SEMA6A: variants seen among roughly 807,000 people sequenced by gnomAD.
SEMA6A encodes semaphorin 6A.
Under a neutral mutation model 96.8 loss-of-function variants are expected in SEMA6A, and 25 were observed. That is an observed-to-expected ratio of 0.26 (90% CI 0.19 to 0.36). The LOEUF (loss-of-function observed/expected upper bound fraction) is 0.36. Among genes scored for constraint, SEMA6A ranks in the 10% least tolerant of loss-of-function variants. SEMA6A has a pLI of 1.00. For missense variants in SEMA6A, 1,363 were observed against 1,323.1 expected, an observed-to-expected ratio of 1.03 and a Z score of -0.47; for synonymous variants, 612 against 518.0, an observed-to-expected ratio of 1.18 and a Z score of -2.46.
intron 18 of SEMA6A, among the ~76,000 whole-genome samples, chr5:116,462,257 A>C (rs899461779): frequency 6.6e-6 from 1 of 152,204 alleles, no homozygotes; most frequent in African/African-American, 2.4e-5. Context: ...TCTGTTAATA[A>C]AGACAGCTGA....
chr5:116,541,784 G>A (rs1184707671), intron 1 of SEMA6A, among the ~76,000 whole-genome samples: 2 of 152,164 alleles, frequency 1.3e-5, no homozygotes, highest in Non-Finnish European at 2.9e-5. Context: ...AGTGAGCTGA[G>A]ATCACGCCAC....
chr5:116,560,006 C>T (rs1237206134), intron 1 of SEMA6A, among the ~76,000 whole-genome samples: 4 of 152,214 alleles, frequency 2.6e-5, no homozygotes, highest in Admixed American at 6.5e-5. Context: ...TTCAGGGCTT[C>T]ACCACATCAC....
At position 116,495,526 on chromosome 5, in the gene SEMA6A, T is replaced by A. The variant is rs1757549594; in HGVS notation, c.343-12A>T. ...TTGTGGCACTCATCCTGAAAAATAA[T>A]TCAAACTGTTTTGTATCATGTCCAT... is the stretch of plus-strand genomic sequence containing the variant. On this transcript the variant is annotated splice_polypyrimidine_tract_variant and intron_variant, in intron 5 of 18. Transcript: ENST00000343348. The A allele has an allele frequency of 6.5e-7, 1 of 1,545,740 alleles. No homozygotes were observed. Among genetic ancestry groups the A allele is most frequent in the South Asian group, 1.2e-5 (1 of 85,236 alleles).
chr5:116,535,756 G>C (rs2112850191), intron 1 of SEMA6A, among the ~76,000 whole-genome samples: 1 of 152,292 alleles, frequency 6.6e-6, no homozygotes, highest in East Asian at 1.9e-4. Context: ...CTGCTCCAGA[G>C]ACTGCTCCTA....
At position 116,478,606 on chromosome 5, in the gene SEMA6A, C is replaced by T; in HGVS notation, c.1363G>A (p.Gly455Arg). The change falls in exon 13 of 19, where the codon GGA (glycine) becomes AGA (arginine). Residue 455 changes from glycine (G) to arginine (R), a missense_variant. By Grantham distance (125) the Gly-to-Arg change is moderately radical. Around this residue, in one of 2 missense-constraint regions of SEMA6A, gnomAD observed 883 missense variants for 763.6 expected, o/e 1.16. Transcript: ENST00000343348. ...GIILKFLARI[G>R]NSGFLNDSLF... ...CTGTCATTTAGAAAACCACTATTTC[C>T]TATTCTGGCCAAAAACTTCAAGATG... 6.2e-7 allele frequency: 1 copy of T among 1,613,400 alleles called. No homozygotes were observed. Among genetic ancestry groups the T allele is most frequent in the Non-Finnish European group, 8.5e-7 (1 of 1,179,702 alleles).
intron 1 of SEMA6A, chr5:116,562,714 C>T (rs1221239816): frequency 1.4e-5 from 10 of 732,658 alleles, no homozygotes; most frequent in Non-Finnish European, 2.3e-5. Context: ...GCAAAGAAAC[C>T]CTCTGCCGTG....
intron 1 of SEMA6A, among the ~76,000 whole-genome samples, chr5:116,521,747 A>C (rs1375991494): frequency 1.3e-5 from 2 of 152,318 alleles, no homozygotes; most frequent in Non-Finnish European, 2.9e-5. Context: ...CAAATGAGAG[A>C]ATGTGTGAAA....
chr5:116,522,446 G>A (rs922515261), intron 1 of SEMA6A, among the ~76,000 whole-genome samples: 2 of 152,144 alleles, frequency 1.3e-5, no homozygotes, highest in Non-Finnish European at 2.9e-5. Context: ...ATGCGGGTGA[G>A]GGAATTTATA....
Position 116,521,977 on chromosome 5 carries a change from A to C in SEMA6A, c.-38-16995T>G, listed in dbSNP as rs1181741886. ...GAAGGTACTTATTAAATATTTGTTGATTTTGATCCAAATAGCTTTGGGTAT... is the reference window on the plus strand; with the variant it reads ...GAAGGTACTTATTAAATATTTGTTGCTTTTGATCCAAATAGCTTTGGGTAT... On this transcript the variant is annotated intron_variant, in intron 1 of 18. Transcript: ENST00000343348. Among the ~76,000 whole-genome samples the C allele has an allele frequency of 2.0e-5, 3 of 152,176 alleles. No homozygotes were observed. The East Asian group carries it at 5.8e-4, about 29-fold the overall frequency.
At chr5:116,509,042 C>T (rs1443776897) in intron 1 of SEMA6A, among the ~76,000 whole-genome samples, 2 of 152,146 alleles carry the variant, frequency 1.3e-5, no homozygotes, top group African/African-American at 2.4e-5. Flanking sequence ...CTGGGCTGCC[C>T]CACCAACTGT....
At chr5:116,538,019 C>CA (rs1171955636) in intron 1 of SEMA6A, among the ~76,000 whole-genome samples, 3 of 152,030 alleles carry the variant, frequency 2.0e-5, no homozygotes, top group African/African-American at 7.2e-5. Context: ...TACTAAAATA[C>CA]AAAAAATTAG....
intron 1 of SEMA6A, among the ~76,000 whole-genome samples, chr5:116,548,499 T>C (rs1760275997): frequency 6.6e-6 from 1 of 152,230 alleles, no homozygotes; most frequent in Non-Finnish European, 1.5e-5. Context: ...TGTGTTACTT[T>C]CAAGGCTTTT....
intron 1 of SEMA6A, 107 bp downstream of exon 1, chr5:116,574,078 C>A (rs1209632321): frequency 6.6e-6 from 1 of 152,324 alleles, no homozygotes; most frequent in African/African-American, 2.4e-5. Flanking sequence ...CAAAATAAAA[C>A]GCAGGCACCA....
chr5:116,507,230 A>C (rs1418438236), intron 1 of SEMA6A, among the ~76,000 whole-genome samples: 1 of 152,212 alleles, frequency 6.6e-6, no homozygotes, highest in Non-Finnish European at 1.5e-5. Flanking sequence ...ATACGGGTGA[A>C]AGTGCTCTGG....
chr5:116,559,135 C>A (rs1218635105), intron 1 of SEMA6A, among the ~76,000 whole-genome samples: 1 of 152,152 alleles, frequency 6.6e-6, no homozygotes, highest in Non-Finnish European at 1.5e-5. Flanking sequence ...TGGTATGAAC[C>A]TCCCTAAAGT....
In SEMA6A at chr5:116,502,864, G is replaced by A. The variant is rs115412879; in HGVS notation, c.101-537C>T. Among the ~76,000 whole-genome samples, 971 of 152,366 alleles carry A rather than the reference G, an allele frequency of 6.4e-3. 10 individuals are homozygous for A. Among genetic ancestry groups the A allele is most frequent in the African/African-American group, 0.022 (929 of 41,600 alleles). ...ATCCACTATTGAAGGCAGCCCCTGAGAGGTTGGTTGGCATTCTAGGAACTG... is the reference window on the plus strand; with the variant it reads ...ATCCACTATTGAAGGCAGCCCCTGAAAGGTTGGTTGGCATTCTAGGAACTG... On this transcript the variant is annotated intron_variant, in intron 2 of 18. Transcript: ENST00000343348.
chr5:116,448,516 G>A (rs1382167210), intron 18 of SEMA6A, among the ~76,000 whole-genome samples: 1 of 152,096 alleles, frequency 6.6e-6, no homozygotes, highest in African/African-American at 2.4e-5. Flanking sequence ...GTTATCCTGA[G>A]TCTGGAGGAA....
chr5:116,445,849 G>A lies in SEMA6A; in HGVS notation c.*764C>T, dbSNP rs1754145133. The A allele has an allele frequency of 6.6e-6, 1 of 152,604 alleles. No individual in the cohort carries two copies. Among genetic ancestry groups the A allele is most frequent in the Non-Finnish European group, 1.5e-5 (1 of 68,030 alleles). 9.5% of individuals were successfully genotyped at this position (152,604 alleles called of 1,614,324 possible). On this transcript the variant is annotated 3_prime_UTR_variant, in exon 19 of 19. Transcript: ENST00000343348. ...TAACTTTCAATGGGCTTTCTGAAGA[G>A]CTGTTCATAGGATGATATTTGGAAG...
intron 1 of SEMA6A, among the ~76,000 whole-genome samples, chr5:116,516,994 A>G (rs1199805025): frequency 1.3e-5 from 2 of 152,184 alleles, no homozygotes; most frequent in Non-Finnish European, 2.9e-5. Context: ...ACGATTTGCT[A>G]TCCCCTGTTT....
Sources: allele counts gnomAD v4.1 joint callset (sites outside exome capture counted in the v4.1 genomes callset), GRCh38; gene constraint gnomAD v4.1.1; regional missense constraint gnomAD v4.1.1; transcripts MANE v1.5; gene names NCBI Gene and HGNC (gene_info 2026-07-23, HGNC 2026-07-21).